The following ERC1 variants were observed in gnomAD, a reference collection of about 807,000 sequenced individuals.
ERC1 encodes the protein ELKS/RAB6-interacting/CAST family member 1.
ERC1 carries 56 observed loss-of-function variants against 132.0 expected under a neutral mutation model. The observed-to-expected ratio is 0.42, with a 90% CI of 0.34 to 0.53. The LOEUF (loss-of-function observed/expected upper bound fraction) is 0.53, where lower values mean the gene tolerates loss of function less well. Among genes scored for constraint, ERC1 ranks in the 20% least tolerant of loss-of-function variants. The pLI, the probability that ERC1 is intolerant of heterozygous loss-of-function variation, is 0.03. For synonymous variants in ERC1, 478 were observed against 476.1 expected (o/e 1.00, Z -0.05); for missense variants, 1,202 against 1,349.9 (o/e 0.89, Z 1.72).
At chr12:1,344,976 A>G (rs1242924043) in intron 15 of ERC1, among the ~76,000 whole-genome samples, 1 of 152,190 alleles carries the variant, frequency 6.6e-6, no homozygotes, top group Non-Finnish European at 1.5e-5. Context: ...TTTAAGCAGT[A>G]GTACAAAGTA....
At chr12:1,314,926 G>A (rs2154351581) in intron 15 of ERC1, among the ~76,000 whole-genome samples, 1 of 152,268 alleles carries the variant, frequency 6.6e-6, no homozygotes, top group Non-Finnish European at 1.5e-5. Context: ...TTCAGAAGTA[G>A]TTTTCTAACT....
At chr12:1,140,655 A>C (rs1949778023) in intron 7 of ERC1, among the ~76,000 whole-genome samples, 2 of 152,164 alleles carry the variant, frequency 1.3e-5, no homozygotes, top group African/African-American at 4.8e-5. Context: ...TAGGAAAAAT[A>C]AGACAAGTTA....
At chr12:1,256,486 A>G (rs1321342395) in intron 13 of ERC1, among the ~76,000 whole-genome samples, 1 of 140,606 alleles carries the variant, frequency 7.1e-6, no homozygotes, top group East Asian at 2.2e-4. Flanking sequence ...TGTGATGACT[A>G]AGCTTATTGA....
intron 1 of ERC1, among the ~76,000 whole-genome samples, chr12:997,325 TGTC>T (rs1592573587): frequency 1.3e-5 from 2 of 152,374 alleles, no homozygotes; most frequent in East Asian, 3.9e-4. Flanking sequence ...GGCTTTTTCA[TGTC>T]GTCTTTGTGG....
At chr12:1,355,626 C>T (rs1048892872) in intron 15 of ERC1, among the ~76,000 whole-genome samples, 5 of 152,148 alleles carry the variant, frequency 3.3e-5, no homozygotes, top group African/African-American at 1.2e-4. Flanking sequence ...GCTATGTATG[C>T]CAGAGGTAAA....
chr12:1,216,756 G>T (rs187760131), intron 12 of ERC1, among the ~76,000 whole-genome samples: 91 of 152,220 alleles, frequency 6.0e-4, no homozygotes, highest in Middle Eastern at 3.4e-3. Context: ...GAGTCATGGG[G>T]CTAGCAACCA....
chr12:1,161,008 T>C (rs573998835), intron 8 of ERC1, among the ~76,000 whole-genome samples: 2 of 152,206 alleles, frequency 1.3e-5, no homozygotes. Context: ...CTTTGCTGTT[T>C]CTTCTTCTTT....
At chr12:1,128,148 C>T (rs1025783982) in intron 7 of ERC1, among the ~76,000 whole-genome samples, 1 of 152,146 alleles carries the variant, frequency 6.6e-6, no homozygotes, top group Non-Finnish European at 1.5e-5. Flanking sequence ...ATTTACAATT[C>T]CACATTAGTT....
chr12:1,012,795 T>C (rs1413892991), intron 1 of ERC1, among the ~76,000 whole-genome samples: 3 of 152,148 alleles, frequency 2.0e-5, no homozygotes, highest in African/African-American at 4.8e-5. Flanking sequence ...GCGTCCAAGA[T>C]CTTTTGGACC....
At chr12:1,372,937 T>G (rs1280698394) in intron 16 of ERC1, among the ~76,000 whole-genome samples, 1 of 152,390 alleles carries the variant, frequency 6.6e-6, no homozygotes, top group East Asian at 1.9e-4. Context: ...AAAGTTATTT[T>G]CTCTGTGGAT....
intron 17 of ERC1, among the ~76,000 whole-genome samples, chr12:1,431,090 GAAAT>G (rs1417554099): frequency 2.6e-5 from 4 of 152,160 alleles, no homozygotes; most frequent in Admixed American, 2.0e-4. Flanking sequence ...GAAAAGCAAT[GAAAT>G]AAAGCCTGAA....
chr12:1,360,076 C>T (rs1441576251), intron 15 of ERC1, among the ~76,000 whole-genome samples: 1 of 152,032 alleles, frequency 6.6e-6, no homozygotes, highest in East Asian at 1.9e-4. Flanking sequence ...CTAGGTACTC[C>T]CTTCTCCTCT....
At chr12:1,384,404 A>G (rs1026079863) in intron 16 of ERC1, among the ~76,000 whole-genome samples, 2 of 152,248 alleles carry the variant, frequency 1.3e-5, no homozygotes, top group Non-Finnish European at 2.9e-5. Flanking sequence ...GTGTGCTCAT[A>G]ACCCTAAATT....
intron 7 of ERC1, among the ~76,000 whole-genome samples, chr12:1,125,739 C>T (rs1005471596): frequency 6.6e-6 from 1 of 152,178 alleles, no homozygotes; most frequent in South Asian, 2.1e-4. Context: ...CACTTGAACC[C>T]AGGAGGCGGA....
chr12:1,478,953 G>GT (rs1425159556), intron 18 of ERC1, among the ~76,000 whole-genome samples: 1 of 151,926 alleles, frequency 6.6e-6, no homozygotes, highest in Non-Finnish European at 1.5e-5. Context: ...ATGCTTTATT[G>GT]TTTTACCCTT....
intron 7 of ERC1, among the ~76,000 whole-genome samples, chr12:1,137,740 C>G (rs1442946184): frequency 6.6e-6 from 1 of 151,614 alleles, no homozygotes; most frequent in Non-Finnish European, 1.5e-5. Context: ...GTAATCCCAG[C>G]TACCAGGGAG....
rs779732035 is a variant in ERC1 at position 1,099,835 on chromosome 12, ATTTTTTTTTTTT to A, written c.1087-4894_1087-4883del. 2.5e-3 allele frequency among the ~76,000 whole-genome samples: 138 copies of A among 54,400 alleles called. 2 individuals are homozygous for A. The East Asian group carries it at 0.052, about 21-fold the overall frequency. The allele number at this position is 54,400 out of a possible 152,430, so 35.7% of individuals were successfully genotyped here. On this transcript the variant is annotated intron_variant, in intron 3 of 18. Transcript: ENST00000360905. ...AAGGATGAGCCTGCTTGAGACTTTG[ATTTTTTTTTTTT>A]TTTTTTTTTTTTTTTTTTTTGACAG...
At chr12:1,484,288 A>G (rs961847317) in intron 18 of ERC1, among the ~76,000 whole-genome samples, 49 of 151,408 alleles carry the variant, frequency 3.2e-4, no homozygotes, top group African/African-American at 1.1e-3. Flanking sequence ...CTGGTGACAG[A>G]GCGAGACTCC....
rs1945064726 is a variant in ERC1, at chr12:1,104,758, T to G, written c.1095T>G (p.His365Gln). Residue 365 changes from histidine (H) to glutamine (Q), a missense_variant, in exon 4 of 19, where the codon CAT becomes CAG. His to Gln is a conservative substitution (Grantham distance 24, BLOSUM62 0). Transcript: ENST00000360905. ...KENSMLREEM[H>Q]RRFENAPDSA... ...CTGCCTCTTTTCTACAGGAGATGCA[T>G]CGAAGGTTTGAGAATGCTCCTGATT... The G allele has an allele frequency of 6.2e-7, 1 of 1,611,996 alleles. No individual in the cohort carries two copies. Among genetic ancestry groups the G allele is most frequent in the Non-Finnish European group, 8.5e-7 (1 of 1,178,164 alleles).
Sources: gnomAD v4.1 joint callset for allele counts (sites outside exome capture counted in the v4.1 genomes callset) on GRCh38, gnomAD v4.1.1 for gene constraint, MANE v1.5 for transcripts, NCBI Gene and HGNC (gene_info 2026-07-23, HGNC 2026-07-21) for gene names.